Variants in CDH12 observed in about 807,000 individuals in gnomAD.
CDH12 encodes cadherin 12.
In CDH12, 41 loss-of-function variants were observed where a neutral mutation model predicts 74.1. The ratio of observed to expected loss-of-function variants is 0.55; its 90% confidence interval spans 0.43 to 0.72. The LOEUF (loss-of-function observed/expected upper bound fraction) is 0.72. Among genes scored for constraint, CDH12 ranks in the 30% least tolerant of loss-of-function variants. The pLI, the probability that CDH12 is intolerant of heterozygous loss-of-function variation, is 0.00. For missense variants in CDH12, 945 were observed against 977.2 expected (o/e 0.97, Z 0.44); for synonymous variants, 399 against 355.0 (o/e 1.12, Z -1.39).
chr5:21,924,971 A>G (rs6452035), intron 6 of CDH12, among the ~76,000 whole-genome samples: 113,338 of 152,118 alleles, frequency 0.75, 44,868 homozygotes, highest in East Asian at 0.93. Context: ...TGGAGAATGC[A>G]ACATATTTAA....
chr5:22,850,054 A>T (rs1245378023), intron 1 of CDH12, among the ~76,000 whole-genome samples: 2 of 152,100 alleles, frequency 1.3e-5, no homozygotes, highest in Non-Finnish European at 2.9e-5. Flanking sequence ...GAATAATTGA[A>T]TTCAAAGCAT....
At chr5:21,793,318 G>A (rs1263449413) in intron 10 of CDH12, among the ~76,000 whole-genome samples, 2 of 151,382 alleles carry the variant, frequency 1.3e-5, no homozygotes, top group Non-Finnish European at 3.0e-5. Flanking sequence ...CATTATACAG[G>A]GAGTTTTTTT....
chr5:22,476,062 T>A (rs1411903968), intron 2 of CDH12, among the ~76,000 whole-genome samples: 1 of 152,104 alleles, frequency 6.6e-6, no homozygotes, highest in African/African-American at 2.4e-5. Flanking sequence ...CCTCCCTTCA[T>A]GTAACTATTC....
intron 2 of CDH12, among the ~76,000 whole-genome samples, chr5:22,451,861 G>T (rs1174909626): frequency 6.6e-6 from 1 of 151,578 alleles, no homozygotes. Flanking sequence ...TAATAGAATT[G>T]TTATGACTTT....
Position 21,758,880 on chromosome 5 carries a change from C to T in CDH12, c.1633+1678G>A, listed in dbSNP as rs146781599. Reference sequence around the variant, plus strand: ...ATTGATACAGAAGCAGAAAACGAAACACCATATACTCTTACTTATAAAAGG... The same window carrying T: ...ATTGATACAGAAGCAGAAAACGAAATACCATATACTCTTACTTATAAAAGG... On this transcript the variant is annotated intron_variant, in intron 13 of 14. Coordinates refer to ENST00000382254, the MANE Select transcript of CDH12 (RefSeq NM_004061.5). 6.1e-4 allele frequency among the ~76,000 whole-genome samples: 93 copies of T among 152,198 alleles called. 2 individuals are homozygous for T. The East Asian group carries it at 0.016, about 27-fold the overall frequency.
intron 3 of CDH12, among the ~76,000 whole-genome samples, chr5:22,306,409 CAG>C (rs1402817168): frequency 6.6e-6 from 1 of 151,596 alleles, no homozygotes; most frequent in East Asian, 1.9e-4. Flanking sequence ...ATTACAGAGA[CAG>C]AGATAGAACT....
intron 7 of CDH12, among the ~76,000 whole-genome samples, chr5:21,853,519 G>T (rs1394178863): frequency 6.6e-6 from 1 of 151,620 alleles, no homozygotes; most frequent in African/African-American, 2.4e-5. Flanking sequence ...AATTAAGAGA[G>T]AATGGCAGGT....
chr5:22,349,070 G>C (rs1283636138), intron 3 of CDH12, among the ~76,000 whole-genome samples: 3 of 152,296 alleles, frequency 2.0e-5, no homozygotes, highest in South Asian at 2.1e-4. Flanking sequence ...AATCCACAGA[G>C]AGCTGCCTTG....
intron 2 of CDH12, among the ~76,000 whole-genome samples, chr5:22,446,583 T>G (rs994876507): frequency 6.6e-6 from 1 of 152,092 alleles, no homozygotes; most frequent in Admixed American, 6.6e-5. Flanking sequence ...CAAGATCTTT[T>G]TTGATGCATG....
intron 1 of CDH12, among the ~76,000 whole-genome samples, chr5:22,657,935 G>GT (rs2126893387): frequency 6.6e-6 from 1 of 152,214 alleles, no homozygotes; most frequent in Admixed American, 6.5e-5. Context: ...AGAAGAGTAT[G>GT]TATTACTTAC....
At chr5:22,788,223 A>T (rs1747737206) in intron 1 of CDH12, among the ~76,000 whole-genome samples, 1 of 152,142 alleles carries the variant, frequency 6.6e-6, no homozygotes, top group Admixed American at 6.6e-5. Context: ...CTGACTGGTG[A>T]CTGACTGTAA....
At chr5:22,401,395 AC>A (rs1742725328) in intron 3 of CDH12, among the ~76,000 whole-genome samples, 1 of 152,138 alleles carries the variant, frequency 6.6e-6, no homozygotes, top group Non-Finnish European at 1.5e-5. Flanking sequence ...ATGTTTATTT[AC>A]CTAAATTCTT....
chr5:22,209,042 A>G (rs1022962701), intron 4 of CDH12, among the ~76,000 whole-genome samples: 3 of 152,306 alleles, frequency 2.0e-5, no homozygotes, highest in African/African-American at 4.8e-5. Flanking sequence ...TATTTACAGT[A>G]TCTGGTACAA....
chr5:21,916,117 C>T (rs1225339703), intron 6 of CDH12, among the ~76,000 whole-genome samples: 1 of 152,042 alleles, frequency 6.6e-6, no homozygotes, highest in Non-Finnish European at 1.5e-5. Context: ...TTGAGTGATA[C>T]TGGGCCCTAA....
chr5:21,786,013 T>C (rs1306153735), intron 10 of CDH12, among the ~76,000 whole-genome samples: 5 of 152,134 alleles, frequency 3.3e-5, no homozygotes, highest in Non-Finnish European at 7.4e-5. Flanking sequence ...ATACAACTGG[T>C]GATTTGAAGT....
chr5:22,281,168 A>C (rs1266071919), intron 3 of CDH12, among the ~76,000 whole-genome samples: 3 of 152,102 alleles, frequency 2.0e-5, no homozygotes, highest in Admixed American at 6.6e-5. Flanking sequence ...TGGCAAAATT[A>C]AACAGCCCTT....
chr5:22,020,462 G>A (rs957629271), intron 5 of CDH12, among the ~76,000 whole-genome samples: 2 of 151,940 alleles, frequency 1.3e-5, no homozygotes, highest in African/African-American at 4.8e-5. Context: ...GCTGAGGCAG[G>A]GGAATCGCTT....
At chr5:22,668,970 C>T (rs917114909) in intron 1 of CDH12, among the ~76,000 whole-genome samples, 7 of 151,858 alleles carry the variant, frequency 4.6e-5, no homozygotes, top group Admixed American at 6.6e-5. Context: ...AAGTTACCTC[C>T]ATATTTTTCA....
At chr5:22,659,262 T>A (rs1242881967) in intron 1 of CDH12, among the ~76,000 whole-genome samples, 1 of 152,088 alleles carries the variant, frequency 6.6e-6, no homozygotes, top group Non-Finnish European at 1.5e-5. Flanking sequence ...GGAATGTGAT[T>A]TTGTACCTAG....
Sources: gnomAD v4.1 joint callset for allele counts (sites outside exome capture counted in the v4.1 genomes callset) on GRCh38, gnomAD v4.1.1 for gene constraint, MANE v1.5 for transcripts, NCBI Gene and HGNC (gene_info 2026-07-23, HGNC 2026-07-21) for gene names.